The following TNNI3K variants were observed in gnomAD, a reference collection of about 807,000 sequenced individuals.
TNNI3K encodes serine/threonine-protein kinase TNNI3K.
A neutral mutation model predicts 114.5 loss-of-function variants in TNNI3K; 140 were observed. The ratio of observed to expected loss-of-function variants is 1.22; its 90% CI spans 1.07 to 1.41. The LOEUF is 1.41. Ranked by LOEUF, TNNI3K falls within the 40% of genes most tolerant of loss-of-function variation. The pLI is 0.00. For synonymous variants in TNNI3K, 347 were observed against 347.5 expected, an observed-to-expected ratio of 1.00 and a Z score of 0.02; for missense variants, 1,125 against 1,007.6, an observed-to-expected ratio of 1.12 and a Z score of -1.58.
rs978776097 is a variant in TNNI3K at position 74,248,193 on chromosome 1, C to T, written c.150-1266C>T. ...GCCCAGGGCTGGTGGCACCAGCCTG[C>T]GGCGCAGAGTGTAGGACCCACTAAG... On this transcript the variant is annotated intron_variant, in intron 2 of 24. Transcript: ENST00000326637. 1.4e-4 allele frequency among the ~76,000 whole-genome samples: 21 copies of T among 152,238 alleles called. 1 individual carries two copies. The East Asian group carries it at 3.1e-3, about 23-fold the overall frequency.
Position 74,540,298 on chromosome 1 carries a change from C to T in TNNI3K, c.2416C>T (p.Pro806Ser), listed in dbSNP as rs780491410. Reference protein sequence around the residue: ...EEMKRSLQYTPIDKYGYVSDP... With the variant: ...EEMKRSLQYTSIDKYGYVSDP... ...GATGAAAAGAAGTCTTCAATACACA[C>T]CCATTGACAAATATGGTAAGTAGGC... Residue 806 changes from proline (P) to serine (S), a missense_variant, in exon 24 of 25, where the codon CCC (proline) becomes TCC (serine). Physicochemically the swap from Pro to Ser is moderately conservative, Grantham distance 74 (BLOSUM62 -1). Transcript: ENST00000326637. 1.2e-6 allele frequency: 2 copies of T among 1,611,700 alleles called. No homozygotes were observed. The highest frequency in any genetic ancestry group is 1.7e-6 in the Non-Finnish European group (2 of 1,178,632).
intron 17 of TNNI3K, among the ~76,000 whole-genome samples, chr1:74,387,379 C>T (rs555499564): frequency 2.0e-5 from 3 of 152,288 alleles, no homozygotes; most frequent in South Asian, 2.1e-4. Context: ...CCATGAAAAT[C>T]GTATTTTGGT....
chr1:74,401,539 T>C lies in TNNI3K; in HGVS notation c.1772+31147T>C, dbSNP rs907057439. 2.6e-5 allele frequency among the ~76,000 whole-genome samples: 4 copies of C among 152,300 alleles called. No individual in the cohort carries two copies. In the East Asian group the frequency reaches 7.7e-4, roughly 29 times the overall value. On this transcript the variant is annotated intron_variant, in intron 17 of 24. Transcript: ENST00000326637. The stretch of plus-strand genomic sequence containing the variant: ...GTTCAGTTATTGGGAAGCTAAATAA[T>C]CCATACTCCATTTGAACAAGTTAGA...
chr1:74,336,139 C>A lies in TNNI3K; in HGVS notation c.672C>A (p.Ser224Arg). 6.2e-7 allele frequency: 1 copy of A among 1,601,818 alleles called. No homozygotes were observed. Among genetic ancestry groups the A allele is most frequent in the Non-Finnish European group, 8.5e-7 (1 of 1,176,640 alleles). Reference protein sequence around the residue: ...NIAKLLMEEGSKADVNAQDNE... With the variant: ...NIAKLLMEEGRKADVNAQDNE... ...CAAAACTCTTGATGGAAGAAGGCAG[C>A]AAAGCAGATGGTAAGATTATATATT... The change falls in exon 7 of 25, where the codon AGC (serine) becomes AGA (arginine). Residue 224 changes from serine (S) to arginine (R), a missense_variant. Coordinates refer to ENST00000326637, the MANE Select transcript of TNNI3K (RefSeq NM_015978.3).
At chr1:74,463,378 C>A in intron 20 of TNNI3K, 63 bp from the exon 21 acceptor site, 1 of 1,562,630 alleles carries the variant, frequency 6.4e-7, no homozygotes, top group Non-Finnish European at 8.8e-7. Context: ...GTGTGTGTGT[C>A]TTCATTTGTT....
At chr1:74,540,165 A>G in intron 23 of TNNI3K, 69 bp from the exon 24 acceptor site, 1 of 1,548,124 alleles carries the variant, frequency 6.5e-7, no homozygotes, top group African/African-American at 1.4e-5. Context: ...GAGTGGAAAA[A>G]TTCTGTGTTT....
intron 21 of TNNI3K, chr1:74,480,962 G>A: frequency 1.4e-6 from 1 of 710,614 alleles, no homozygotes; most frequent in Non-Finnish European, 2.6e-6. Context: ...CGTGGTCATA[G>A]GGGCTGCTGT....
intron 5 of TNNI3K, among the ~76,000 whole-genome samples, chr1:74,299,643 C>G (rs1256397522): frequency 1.3e-5 from 2 of 151,976 alleles, no homozygotes; most frequent in Non-Finnish European, 2.9e-5. Context: ...CATGAGGAAA[C>G]TAAGTCACCC....
At chr1:74,472,154 C>A (rs1030294015) in intron 21 of TNNI3K, 1 of 717,174 alleles carries the variant, frequency 1.4e-6, no homozygotes, top group Non-Finnish European at 2.6e-6. Flanking sequence ...CCTGCCAAGG[C>A]TGAAGCGGGT....
intron 5 of TNNI3K, among the ~76,000 whole-genome samples, chr1:74,294,950 C>T (rs764259964): frequency 1.3e-4 from 20 of 151,668 alleles, no homozygotes; most frequent in Non-Finnish European, 2.9e-4. Flanking sequence ...TTTCTAACTT[C>T]TTAAGATGAA....
chr1:74,409,572 C>A (rs1356689115), intron 17 of TNNI3K, among the ~76,000 whole-genome samples: 2 of 148,892 alleles, frequency 1.3e-5, no homozygotes, highest in African/African-American at 2.5e-5. Flanking sequence ...CGGCTCACTG[C>A]AACCTCTGCC....
At chr1:74,268,286 C>T (rs1057266737) in intron 4 of TNNI3K, among the ~76,000 whole-genome samples, 4 of 151,856 alleles carry the variant, frequency 2.6e-5, no homozygotes, top group Admixed American at 1.3e-4. Context: ...TGTTTTAAGG[C>T]GATGTTTTTC....
chr1:74,496,614 A>G (rs985179513), intron 23 of TNNI3K, among the ~76,000 whole-genome samples: 7 of 146,712 alleles, frequency 4.8e-5, no homozygotes, highest in African/African-American at 1.5e-4. Flanking sequence ...GTTTCTAATT[A>G]TTATTATTCT....
chr1:74,252,419 TAAC>T (rs1337056119), intron 4 of TNNI3K, among the ~76,000 whole-genome samples: 1 of 152,196 alleles, frequency 6.6e-6, no homozygotes. Context: ...GCAAATTTCT[TAAC>T]AAAAGTGAAA....
At chr1:74,322,035 G>A (rs116615049) in intron 5 of TNNI3K, among the ~76,000 whole-genome samples, 1,633 of 152,178 alleles carry the variant, frequency 0.011, 30 homozygotes, top group African/African-American at 0.037. Flanking sequence ...TCAAAAAAGG[G>A]CGTGGTAACT....
chr1:74,495,693 GAGTA>G (rs1669293640), intron 23 of TNNI3K, among the ~76,000 whole-genome samples: 1 of 152,134 alleles, frequency 6.6e-6, no homozygotes, highest in African/African-American at 2.4e-5. Context: ...AGTTAATGGA[GAGTA>G]AGTAAGCAAA....
chr1:74,539,382 T>G lies in TNNI3K; in HGVS notation c.2352-852T>G, dbSNP rs550964836. Among the ~76,000 whole-genome samples, 3 of 152,214 alleles carry G rather than the reference T, an allele frequency of 2.0e-5. 1 individual carries two copies. The South Asian group carries it at 6.2e-4, about 32-fold the overall frequency. On this transcript the variant is annotated intron_variant, in intron 23 of 24. Coordinates refer to ENST00000326637, the MANE Select transcript of TNNI3K (RefSeq NM_015978.3). ...CTGGGGGGAACTAGGGTAGTTGCTT[T>G]GAGAATGACAAATGATGAATGGATG...
chr1:74,490,417 G>A (rs182690489), intron 22 of TNNI3K, among the ~76,000 whole-genome samples: 66 of 152,188 alleles, frequency 4.3e-4, no homozygotes, highest in African/African-American at 1.5e-3. Flanking sequence ...AGTTTGCTTC[G>A]AGCCTAATGG....
intron 21 of TNNI3K, among the ~76,000 whole-genome samples, chr1:74,464,418 A>C (rs1667580536): frequency 6.6e-6 from 1 of 152,112 alleles, no homozygotes; most frequent in Non-Finnish European, 1.5e-5. Flanking sequence ...ATATGTAAAG[A>C]CCTAATGGTT....
Sources: allele counts gnomAD v4.1 joint callset (sites outside exome capture counted in the v4.1 genomes callset), GRCh38; gene constraint gnomAD v4.1.1; transcripts MANE v1.5; gene names NCBI Gene and HGNC (gene_info 2026-07-23, HGNC 2026-07-21).